Variants in ICE2 observed in about 807,000 individuals in gnomAD.
The protein encoded by ICE2 is little elongation complex subunit 2.
ICE2 carries 87 observed loss-of-function variants against 105.4 expected under a neutral mutation model. That is an observed-to-expected ratio of 0.83 (90% CI 0.69 to 0.99). ICE2 has a LOEUF of 0.99. Ranked by LOEUF, ICE2 falls within the 50% of genes least tolerant of loss-of-function variation. The pLI is 0.00. For missense variants in ICE2, 1,323 were observed against 1,146.7 expected, an observed-to-expected ratio of 1.15 and a Z score of -2.22; for synonymous variants, 399 against 392.0, an observed-to-expected ratio of 1.02 and a Z score of -0.21.
intron 14 of ICE2, among the ~76,000 whole-genome samples, chr15:60,431,601 C>T (rs766682713): frequency 2.6e-5 from 4 of 152,112 alleles, no homozygotes; most frequent in African/African-American, 7.2e-5. Context: ...GACTTTTACC[C>T]GGTAAAACTG....
rs1412623145 is a variant in ICE2, at chr15:60,448,072, A to C, written c.2193T>G (p.Val731=). The change falls in exon 11 of 16, where the codon GTT becomes GTG. Residue 731 remains valine (V), a synonymous_variant. Transcript: ENST00000261520. The part of the protein sequence containing the change: ...EYLAPQEGNF[V]YKLFSLQDLL... ...GGTCTTGCAGGCTAAATAACTTATA[A>C]ACAAAATTTCCTTCCTGAGGAGCTA... 2.5e-6 allele frequency: 4 copies of C among 1,613,602 alleles called. No individual in the cohort carries two copies. The highest frequency in any genetic ancestry group is 3.4e-6 in the Non-Finnish European group (4 of 1,179,672).
At chr15:60,455,241 G>C in intron 7 of ICE2, 79 bp from the exon 8 acceptor site, 1 of 1,511,910 alleles carries the variant, frequency 6.6e-7, no homozygotes, top group Admixed American at 2.0e-5. Flanking sequence ...AAGTCAGAAA[G>C]GGGACTTTGG....
At position 60,423,254 on chromosome 15, in the gene ICE2, T is replaced by C. The variant is rs1288268104; in HGVS notation, c.*380A>G. On this transcript the variant is annotated 3_prime_UTR_variant, in exon 16 of 16. Coordinates refer to ENST00000261520, the MANE Select transcript of ICE2 (RefSeq NM_024611.6). Reference sequence around the variant, plus strand: ...TTCAGCAGTGGCAACATTTAACTTTTTGAGTCAGTCGCAACAGACTGGCAA... The same window carrying C: ...TTCAGCAGTGGCAACATTTAACTTTCTGAGTCAGTCGCAACAGACTGGCAA... The C allele has an allele frequency of 1.3e-5, 2 of 155,382 alleles. No individual in the cohort carries two copies. Among genetic ancestry groups the C allele is most frequent in the Non-Finnish European group, 2.9e-5 (2 of 70,000 alleles). 9.6% of individuals were successfully genotyped at this position (155,382 alleles called of 1,614,324 possible). A position where few individuals can be genotyped will look rare whatever the true frequency, so the allele number is the denominator to read the frequency against.
rs1477356571 is a variant in ICE2, at chr15:60,467,940, C to T, written c.408+121G>A. 3.0e-5 allele frequency: 27 copies of T among 886,722 alleles called. 2 individuals carry two copies. In the East Asian group the frequency reaches 7.2e-4, roughly 24 times the overall value. The allele number at this position is 886,722 out of a possible 1,614,324, so 54.9% of individuals were successfully genotyped here. ...ATTAAAGCACCATTGCTCTCTCAATCTCCTTACGTTTTCCATTTTAAAAAA... is the reference window on the plus strand; with the variant it reads ...ATTAAAGCACCATTGCTCTCTCAATTTCCTTACGTTTTCCATTTTAAAAAA... On this transcript the variant is annotated intron_variant, in intron 4 of 15. Transcript: ENST00000261520.
intron 4 of ICE2, among the ~76,000 whole-genome samples, chr15:60,467,833 T>A (rs1567008452): frequency 6.6e-6 from 1 of 152,226 alleles, no homozygotes; most frequent in Admixed American, 6.5e-5. Context: ...AAAATTCTAC[T>A]GCTAGTACTT....
chr15:60,429,682 A>G (rs536271311), intron 14 of ICE2, among the ~76,000 whole-genome samples: 5 of 152,280 alleles, frequency 3.3e-5, no homozygotes, highest in Non-Finnish European at 7.4e-5. Context: ...TATAAACCTA[A>G]TCGGTTACAT....
At chr15:60,456,612 A>ACACACAC in intron 6 of ICE2, 45 bp downstream of exon 6, 1 of 1,146,686 alleles carries the variant, frequency 8.7e-7, no homozygotes, top group Non-Finnish European at 1.2e-6. Flanking sequence ...CACACACACT[A>ACACACAC]TTTCAGACAA....
intron 13 of ICE2, 22 bp from the exon 14 acceptor site, chr15:60,432,006 T>C (rs1325566601): frequency 3.7e-6 from 5 of 1,352,712 alleles, no homozygotes; most frequent in African/African-American, 1.4e-5. Context: ...AAGAAATTCA[T>C]GTAAAATTAA....
At chr15:60,446,723 C>CCTCCACATTGTGG (rs2063830689) in intron 11 of ICE2, among the ~76,000 whole-genome samples, 2 of 152,056 alleles carry the variant, frequency 1.3e-5, no homozygotes, top group African/African-American at 2.4e-5. Flanking sequence ...ATACAGTAGT[C>CCTCCACATTGTGG]AGGAAGTCCT....
chr15:60,428,630 A>T lies in ICE2; in HGVS notation c.2619T>A (p.Ile873=). 6.2e-7 allele frequency: 1 copy of T among 1,614,128 alleles called. No homozygotes were observed. The highest frequency in any genetic ancestry group is 2.2e-5 in the East Asian group (1 of 44,872). The change falls in exon 15 of 16, where the codon ATT becomes ATA. Residue 873 remains isoleucine, a synonymous_variant. Transcript: ENST00000261520. The stretch of plus-strand genomic sequence containing the variant: ...TAACTTTTCCATCAGAGGCCTTATA[A>T]ATCAGGAGTGAAGAATCTTCTGCTG... ...SHAAEDSSLL[I]YKASDGKVTR...
Position 60,421,670 on chromosome 15 carries a change from A to C in ICE2, c.*1964T>G, listed in dbSNP as rs2063243378. 6.6e-6 allele frequency: 1 copy of C among 152,176 alleles called. No individual in the cohort carries two copies. The highest frequency in any genetic ancestry group is 1.5e-5 in the Non-Finnish European group (1 of 68,038). The allele number at this position is 152,176 out of a possible 1,614,324, so 9.4% of individuals were successfully genotyped here. A position where few individuals can be genotyped will look rare whatever the true frequency, so the allele number is the denominator to read the frequency against. ...CACACAAATGTACATTAAAAATAAAATAAAAAAGTGTAAGAGTACATTTCA... is the reference window on the plus strand; with the variant it reads ...CACACAAATGTACATTAAAAATAAACTAAAAAAGTGTAAGAGTACATTTCA... On this transcript the variant is annotated 3_prime_UTR_variant, in exon 16 of 16. Coordinates refer to ENST00000261520, the MANE Select transcript of ICE2 (RefSeq NM_024611.6).
chr15:60,463,813 G>T (rs1407780292), intron 5 of ICE2, among the ~76,000 whole-genome samples: 1 of 151,992 alleles, frequency 6.6e-6, no homozygotes, highest in Non-Finnish European at 1.5e-5. Context: ...AGGCAAAAGA[G>T]AAGTAGAACT....
rs565245109 is a variant in ICE2, at chr15:60,448,087, C to T, written c.2178G>A (p.Gln726=). Residue 726 remains glutamine, a synonymous_variant, in exon 11 of 16, where the codon CAG becomes CAA. Transcript: ENST00000261520. ...VEDTSEYLAP[Q]EGNFVYKLFS... ...ATAACTTATAAACAAAATTTCCTTC[C>T]TGAGGAGCTAGGTATTCCGATGTAT... is the stretch of plus-strand genomic sequence containing the variant. The T allele has an allele frequency of 1.2e-6, 2 of 1,613,386 alleles. No homozygotes were observed. The highest frequency in any genetic ancestry group is 2.2e-5 in the South Asian group (2 of 91,050).
chr15:60,430,229 C>A (rs563787673), intron 14 of ICE2, among the ~76,000 whole-genome samples: 3 of 152,120 alleles, frequency 2.0e-5, no homozygotes, highest in Non-Finnish European at 4.4e-5. Context: ...CAGAGAGATG[C>A]GACTTAACTT....
chr15:60,458,103 C>T (rs1255710408), intron 5 of ICE2, among the ~76,000 whole-genome samples: 1 of 152,130 alleles, frequency 6.6e-6, no homozygotes, highest in Non-Finnish European at 1.5e-5. Context: ...GACAGTTTTA[C>T]ACCTATACTC....
chr15:60,432,819 G>A (rs1275228580), intron 13 of ICE2, among the ~76,000 whole-genome samples: 1 of 151,956 alleles, frequency 6.6e-6, no homozygotes, highest in East Asian at 2.0e-4. Flanking sequence ...ACGAGCCCGG[G>A]AGGCGGAGCT....
At chr15:60,478,864 A>G (rs2064848810) in intron 1 of ICE2, 139 bp downstream of exon 1, 1 of 432,766 alleles carries the variant, frequency 2.3e-6, no homozygotes, top group Admixed American at 2.4e-5. Context: ...AAGCAGGGGT[A>G]GGAGCCGCGC....
chr15:60,457,411 G>C (rs2064155801), intron 5 of ICE2, among the ~76,000 whole-genome samples: 1 of 152,066 alleles, frequency 6.6e-6, no homozygotes, highest in Non-Finnish European at 1.5e-5. Flanking sequence ...ACAGCTGTTG[G>C]GGGTGGGGAA....
At chr15:60,447,804 T>C (rs1435874088) in intron 11 of ICE2, 166 bp downstream of exon 11, 2 of 557,172 alleles carry the variant, frequency 3.6e-6, no homozygotes, top group Admixed American at 3.3e-5. Flanking sequence ...CTTTCCCTTA[T>C]TAAAATCGAT....
Sources: allele counts gnomAD v4.1 joint callset (sites outside exome capture counted in the v4.1 genomes callset), GRCh38; gene constraint gnomAD v4.1.1; transcripts MANE v1.5; gene names NCBI Gene and HGNC (gene_info 2026-07-23, HGNC 2026-07-21).